Variants in FBXO11 observed in about 807,000 individuals in gnomAD.
FBXO11 encodes the protein F-box protein 11.
Under a neutral mutation model 117.0 loss-of-function variants are expected in FBXO11, and 13 were observed. That is an observed-to-expected ratio of 0.11 (90% confidence interval 0.07 to 0.18). The LOEUF (loss-of-function observed/expected upper bound fraction) is 0.18. Ranked by LOEUF, FBXO11 falls within the 10% of genes least tolerant of loss-of-function variation. The probability of loss-of-function intolerance (pLI) is 1.00; values close to 1 mark genes in which losing one functional copy is unlikely to be tolerated. For missense variants in FBXO11, 767 were observed against 1,164.4 expected (o/e 0.66, Z 4.97); for synonymous variants, 490 against 380.5 (o/e 1.29, Z -3.35).
rs1424076731 is a variant in FBXO11 at position 47,832,497 on chromosome 2, T to G, written c.1261-11A>C. ...ATCCTCATATATTCCCTACAACAAG[T>G]TATCAGAAACAAACATCAGTAGAGC... On this transcript the variant is annotated splice_polypyrimidine_tract_variant and intron_variant, in intron 10 of 22. Coordinates refer to ENST00000403359, the MANE Select transcript of FBXO11 (RefSeq NM_001190274.2). 6.2e-7 allele frequency: 1 copy of G among 1,611,096 alleles called. No homozygotes were observed. Among genetic ancestry groups the G allele is most frequent in the South Asian group, 1.1e-5 (1 of 90,704 alleles).
rs1134363 is a variant in FBXO11 at position 47,887,556 on chromosome 2, T to G, written c.232+17933A>C. Among the ~76,000 whole-genome samples, 641 of 152,024 alleles carry G rather than the reference T, an allele frequency of 4.2e-3. 7 individuals are homozygous for G. Among genetic ancestry groups the G allele is most frequent in the African/African-American group, 0.015 (605 of 41,470 alleles). On this transcript the variant is annotated intron_variant, in intron 1 of 22. Transcript: ENST00000403359. The stretch of plus-strand genomic sequence containing the variant: ...CAACCTAGGAGACAAAACAAGACCC[T>G]GTCTCTACAAAACACTTTGTGGGGC...
intron 1 of FBXO11, among the ~76,000 whole-genome samples, chr2:47,874,596 G>C (rs936950046): frequency 6.6e-6 from 1 of 152,032 alleles, no homozygotes; most frequent in Admixed American, 6.6e-5. Flanking sequence ...TTGCAGTGGT[G>C]CAATCTCAGC....
chr2:47,850,170 G>A (rs1489180000), intron 1 of FBXO11, among the ~76,000 whole-genome samples: 2 of 152,210 alleles, frequency 1.3e-5, no homozygotes, highest in Non-Finnish European at 1.5e-5. Flanking sequence ...TGGGCTGGGG[G>A]TGGAGAAGAG....
intron 1 of FBXO11, among the ~76,000 whole-genome samples, chr2:47,884,348 C>A (rs1159721657): frequency 6.6e-6 from 1 of 152,230 alleles, no homozygotes; most frequent in Non-Finnish European, 1.5e-5. Context: ...TCGCCACCAA[C>A]TCCCGTCATT....
intron 1 of FBXO11, among the ~76,000 whole-genome samples, chr2:47,872,472 C>T (rs540293706): frequency 3.1e-4 from 47 of 152,184 alleles, no homozygotes; most frequent in Admixed American, 9.8e-4. Context: ...TACAGGAGTG[C>T]GCCACCATGC....
intron 1 of FBXO11, among the ~76,000 whole-genome samples, chr2:47,886,932 G>C (rs139393227): frequency 3.9e-5 from 6 of 152,058 alleles, no homozygotes; most frequent in Non-Finnish European, 8.8e-5. Flanking sequence ...CCAGCTAATC[G>C]AGAGGCAGAG....
At chr2:47,882,295 C>A (rs2103912126) in intron 1 of FBXO11, among the ~76,000 whole-genome samples, 2 of 152,236 alleles carry the variant, frequency 1.3e-5, no homozygotes, top group Middle Eastern at 6.8e-3. Context: ...ATTCTAAGGC[C>A]AGCCAGATTT....
At chr2:47,817,400 T>C (rs560183501) in intron 16 of FBXO11, among the ~76,000 whole-genome samples, 2 of 152,350 alleles carry the variant, frequency 1.3e-5, no homozygotes, top group African/African-American at 4.8e-5. Flanking sequence ...TATTATTTTA[T>C]TTTGCTTTGA....
At chr2:47,885,039 A>T (rs1285679410) in intron 1 of FBXO11, among the ~76,000 whole-genome samples, 1 of 152,248 alleles carries the variant, frequency 6.6e-6, no homozygotes, top group Non-Finnish European at 1.5e-5. Flanking sequence ...CATTCAGGAC[A>T]GTGAATAAGA....
At chr2:47,846,723 A>T (rs1028853019) in intron 1 of FBXO11, among the ~76,000 whole-genome samples, 1 of 151,366 alleles carries the variant, frequency 6.6e-6, no homozygotes, top group African/African-American at 2.4e-5. Flanking sequence ...TATACTTAAC[A>T]TATTAAATCT....
chr2:47,836,583 T>C (rs1672576753), intron 4 of FBXO11, among the ~76,000 whole-genome samples: 1 of 152,050 alleles, frequency 6.6e-6, no homozygotes, highest in South Asian at 2.1e-4. Context: ...CCCTAAGTGC[T>C]GGGATTACAG....
At position 47,818,879 on chromosome 2, in the gene FBXO11, A is replaced by G. The variant is rs1204011429; in HGVS notation, c.1921-15T>C. The G allele has an allele frequency of 6.3e-7, 1 of 1,576,170 alleles. No homozygotes were observed. Among genetic ancestry groups the G allele is most frequent in the Non-Finnish European group, 8.5e-7 (1 of 1,169,708 alleles). The stretch of plus-strand genomic sequence containing the variant: ...TAAACACCAACCTAAAATTTAAAAA[A>G]AAAAAAAAAGCTTTTTCAAGGGACA... On this transcript the variant is annotated splice_polypyrimidine_tract_variant and intron_variant, in intron 15 of 22. Transcript: ENST00000403359.
Position 47,807,128 on chromosome 2 carries a change from GCTATGAAA to G in FBXO11, c.*982_*989del. ...AATACACATAAATGGGGGAGGAAAA[GCTATGAAA>G]CTGTATAGGGCTGTATATATACTTG... is the stretch of plus-strand genomic sequence containing the variant. On this transcript the variant is annotated 3_prime_UTR_variant, in exon 23 of 23. Transcript: ENST00000403359. 2.2e-6 allele frequency: 1 copy of G among 464,816 alleles called. No individual in the cohort carries two copies. The highest frequency in any genetic ancestry group is 3.9e-6 in the Non-Finnish European group (1 of 259,562). 28.8% of individuals were successfully genotyped at this position (464,816 alleles called of 1,614,324 possible).
At chr2:47,829,429 C>T (rs1352640798) in intron 11 of FBXO11, among the ~76,000 whole-genome samples, 1 of 151,998 alleles carries the variant, frequency 6.6e-6, no homozygotes, top group African/African-American at 2.4e-5. Flanking sequence ...CTAGTAGAGA[C>T]AGGGTTTCAC....
At chr2:47,847,174 G>A (rs1372951679) in intron 1 of FBXO11, among the ~76,000 whole-genome samples, 1 of 152,150 alleles carries the variant, frequency 6.6e-6, no homozygotes, top group Non-Finnish European at 1.5e-5. Context: ...GAACCTGAAA[G>A]GTGTAGACTG....
chr2:47,881,686 C>A (rs750063373), intron 1 of FBXO11, among the ~76,000 whole-genome samples: 4 of 152,084 alleles, frequency 2.6e-5, no homozygotes, highest in Admixed American at 6.6e-5. Context: ...TTAGTTTGAT[C>A]ATTTGTATAT....
chr2:47,859,774 A>G (rs922313400), intron 1 of FBXO11, among the ~76,000 whole-genome samples: 1 of 152,238 alleles, frequency 6.6e-6, no homozygotes, highest in Non-Finnish European at 1.5e-5. Flanking sequence ...AGACAAGGAT[A>G]TTCTTAAAAT....
chr2:47,827,633 G>GC (rs1671858242), intron 11 of FBXO11, among the ~76,000 whole-genome samples: 1 of 151,914 alleles, frequency 6.6e-6, no homozygotes, highest in Non-Finnish European at 1.5e-5. Flanking sequence ...TTAATAGAAT[G>GC]CAACTATTTT....
At chr2:47,810,235 G>T in intron 19 of FBXO11, 81 bp downstream of exon 19, 3 of 923,736 alleles carry the variant, frequency 3.2e-6, no homozygotes, top group African/African-American at 3.4e-5. Context: ...TAGTTAATAA[G>T]CAAAACAAAA....
Sources: gnomAD v4.1 joint callset for allele counts (sites outside exome capture counted in the v4.1 genomes callset) on GRCh38, gnomAD v4.1.1 for gene constraint, MANE v1.5 for transcripts, NCBI Gene and HGNC (gene_info 2026-07-23, HGNC 2026-07-21) for gene names.